PTPRD: variants seen among roughly 807,000 people sequenced by gnomAD.
The protein encoded by PTPRD is protein tyrosine phosphatase receptor type D.
A neutral mutation model predicts 214.5 loss-of-function variants in PTPRD; 34 were observed. That is an observed-to-expected ratio of 0.16 (90% CI 0.12 to 0.21). PTPRD has a LOEUF of 0.21. Among genes scored for constraint, PTPRD ranks in the 10% least tolerant of loss-of-function variants. The pLI is 1.00. For missense variants in PTPRD, 2,545 were observed against 2,398.7 expected, an observed-to-expected ratio of 1.06 and a Z score of -1.27; for synonymous variants, 1,128 against 845.7, an observed-to-expected ratio of 1.33 and a Z score of -5.79.
At chr9:10,316,863 T>C (rs1356935864) in intron 3 of PTPRD, among the ~76,000 whole-genome samples, 1 of 151,944 alleles carries the variant, frequency 6.6e-6, no homozygotes, top group East Asian at 1.9e-4. Context: ...CCCAAGTGAA[T>C]AAGAAGCTAA....
chr9:9,935,630 T>A (rs938372761), intron 5 of PTPRD, among the ~76,000 whole-genome samples: 3 of 148,790 alleles, frequency 2.0e-5, no homozygotes, highest in African/African-American at 5.2e-5. Flanking sequence ...ACAATCAATA[T>A]CGTGAAAATG....
chr9:8,808,971 A>C (rs1390353959), intron 11 of PTPRD, among the ~76,000 whole-genome samples: 1 of 152,178 alleles, frequency 6.6e-6, no homozygotes, highest in Non-Finnish European at 1.5e-5. Context: ...CAAGTGCTTA[A>C]GCAAAAAAAA....
chr9:9,140,830 A>C (rs1406473141), intron 10 of PTPRD, among the ~76,000 whole-genome samples: 4 of 152,242 alleles, frequency 2.6e-5, no homozygotes, highest in African/African-American at 4.8e-5. Flanking sequence ...TGCCCGCCTC[A>C]GCCTCCCAAA....
intron 11 of PTPRD, among the ~76,000 whole-genome samples, chr9:8,926,479 G>A (rs572243132): frequency 9.9e-5 from 15 of 152,184 alleles, no homozygotes; most frequent in African/African-American, 3.6e-4. Flanking sequence ...CCACTTCATG[G>A]TTTCTCCTAT....
chr9:10,237,784 C>T (rs1211233423), intron 3 of PTPRD, among the ~76,000 whole-genome samples: 3 of 151,848 alleles, frequency 2.0e-5, no homozygotes, highest in Non-Finnish European at 4.4e-5. Flanking sequence ...GAACATGATG[C>T]AACATAGCAT....
intron 7 of PTPRD, among the ~76,000 whole-genome samples, chr9:9,691,556 C>T (rs2097271330): frequency 6.6e-6 from 1 of 151,948 alleles, no homozygotes; most frequent in Non-Finnish European, 1.5e-5. Context: ...GTTGCTTTTA[C>T]ATTTTGGCTA....
At position 8,466,989 on chromosome 9, in the gene PTPRD, C is replaced by T. The variant is rs923917629; in HGVS notation, c.3505-1314G>A. Among the ~76,000 whole-genome samples, 5 of 151,750 alleles carry T rather than the reference C, an allele frequency of 3.3e-5. No individual in the cohort carries two copies. In the South Asian group the frequency reaches 8.3e-4, roughly 25 times the overall value. On this transcript the variant is annotated intron_variant, in intron 31 of 45. Coordinates refer to ENST00000381196, the MANE Select transcript of PTPRD (RefSeq NM_002839.4). ...TTCTTCCATTAGGAATTTGATCGTA[C>T]GTTACAGTCCCTCCTACACTGGGAG... is the stretch of plus-strand genomic sequence containing the variant.
At chr9:10,384,092 G>C (rs1021893127) in intron 2 of PTPRD, among the ~76,000 whole-genome samples, 19 of 142,690 alleles carry the variant, frequency 1.3e-4, no homozygotes, top group African/African-American at 3.9e-4. Context: ...AAAAAAAATA[G>C]AAAAAGACCT....
intron 9 of PTPRD, among the ~76,000 whole-genome samples, chr9:9,351,092 G>T (rs1037143637): frequency 2.6e-5 from 4 of 151,956 alleles, no homozygotes; most frequent in African/African-American, 9.7e-5. Flanking sequence ...ACACTTGCTG[G>T]TGATTTCCAG....
At chr9:10,579,100 T>C (rs1420706460) in intron 2 of PTPRD, among the ~76,000 whole-genome samples, 1 of 151,976 alleles carries the variant, frequency 6.6e-6, no homozygotes, top group Non-Finnish European at 1.5e-5. Flanking sequence ...CAGGCCCTGA[T>C]GTGTGTTGTT....
chr9:9,518,369 T>C (rs1382591585), intron 8 of PTPRD, among the ~76,000 whole-genome samples: 2 of 152,076 alleles, frequency 1.3e-5, no homozygotes, highest in African/African-American at 2.4e-5. Flanking sequence ...AGTGAAAATA[T>C]AGTAGCATTG....
intron 9 of PTPRD, among the ~76,000 whole-genome samples, chr9:9,377,711 C>A (rs961388025): frequency 6.6e-6 from 1 of 151,846 alleles, no homozygotes; most frequent in Non-Finnish European, 1.5e-5. Context: ...CCCAGTTAAG[C>A]GGAAAAATGT....
intron 6 of PTPRD, among the ~76,000 whole-genome samples, chr9:9,754,062 C>T (rs897276132): frequency 6.6e-5 from 10 of 152,012 alleles, no homozygotes; most frequent in Admixed American, 4.6e-4. Context: ...AGGAAAAGAA[C>T]TACTTATTAG....
At chr9:8,547,392 C>T (rs1006587629) in intron 14 of PTPRD, among the ~76,000 whole-genome samples, 2 of 152,054 alleles carry the variant, frequency 1.3e-5, no homozygotes, top group Non-Finnish European at 2.9e-5. Flanking sequence ...GGCATGGTCC[C>T]AGCACTTTGG....
At chr9:9,894,677 C>T (rs993032838) in intron 5 of PTPRD, among the ~76,000 whole-genome samples, 1 of 152,054 alleles carries the variant, frequency 6.6e-6, no homozygotes, top group Non-Finnish European at 1.5e-5. Flanking sequence ...GTTACCATTT[C>T]ACATATATTT....
intron 11 of PTPRD, among the ~76,000 whole-genome samples, chr9:8,806,454 C>T (rs1426482573): frequency 1.3e-5 from 2 of 152,120 alleles, no homozygotes; most frequent in African/African-American, 2.4e-5. Flanking sequence ...TATCTCTTAT[C>T]AGCAACACTT....
chr9:9,433,187 G>C (rs1421744109), intron 8 of PTPRD, among the ~76,000 whole-genome samples: 2 of 152,130 alleles, frequency 1.3e-5, no homozygotes, highest in Non-Finnish European at 2.9e-5. Flanking sequence ...TGCATTGCCA[G>C]ACCTCCTACC....
At chr9:8,934,436 A>AATAT (rs1266350371) in intron 11 of PTPRD, among the ~76,000 whole-genome samples, 6 of 30,316 alleles carry the variant, frequency 2.0e-4, no homozygotes, top group African/African-American at 5.9e-4. Context: ...TATATATATA[A>AATAT]ATATATATAT....
chr9:8,888,380 C>G (rs2098509347), intron 11 of PTPRD, among the ~76,000 whole-genome samples: 1 of 152,088 alleles, frequency 6.6e-6, no homozygotes, highest in Admixed American at 6.6e-5. Context: ...ACCAGATATA[C>G]CTTCACCCAA....
Sources: gnomAD v4.1 joint callset for allele counts (sites outside exome capture counted in the v4.1 genomes callset) on GRCh38, gnomAD v4.1.1 for gene constraint, MANE v1.5 for transcripts, NCBI Gene and HGNC (gene_info 2026-07-23, HGNC 2026-07-21) for gene names.